Variants in CNTNAP3B observed in about 807,000 individuals in gnomAD.
CNTNAP3B encodes contactin associated protein family member 3B.
A neutral mutation model predicts 108.9 loss-of-function variants in CNTNAP3B; 25 were observed. That is an observed-to-expected ratio of 0.23 (90% CI 0.17 to 0.32). CNTNAP3B has a LOEUF of 0.32. CNTNAP3B is among the 10% of genes least tolerant of loss of function. The probability of loss-of-function intolerance (pLI) is 1.00; values close to 1 mark genes in which losing one functional copy is unlikely to be tolerated. For missense variants in CNTNAP3B, 252 were observed against 1,210.4 expected (o/e 0.21, Z 11.75); for synonymous variants, 103 against 473.4 (o/e 0.22, Z 10.16).
At chr9:41,960,362 A>T in intron 12 of CNTNAP3B, 1 of 169,598 alleles carries the variant, frequency 5.9e-6, no homozygotes, top group Admixed American at 5.9e-5. Flanking sequence ...GTTATGAAAA[A>T]ATTATATGAC....
At chr9:42,111,879 C>T (rs369420707) in intron 1 of CNTNAP3B, among the ~76,000 whole-genome samples, 5 of 138,508 alleles carry the variant, frequency 3.6e-5, no homozygotes, top group Admixed American at 2.2e-4. Context: ...CTGTCCCCAG[C>T]CACACACACA....
intron 9 of CNTNAP3B, among the ~76,000 whole-genome samples, chr9:41,977,610 T>A (rs1475184672): frequency 7.3e-6 from 1 of 136,908 alleles, no homozygotes; most frequent in Non-Finnish European, 1.5e-5. Flanking sequence ...ATTTTAGGGA[T>A]GAATTTTACC....
In CNTNAP3B at chr9:42,044,576, G is replaced by A. The variant is rs542844256; in HGVS notation, c.391-31051C>T. Among the ~76,000 whole-genome samples, 35 of 122,298 alleles carry A rather than the reference G, an allele frequency of 2.9e-4. 3 individuals carry two copies. The highest frequency in any genetic ancestry group is 1.0e-3 in the African/African-American group (32 of 31,236). The allele number at this position is 122,298 out of a possible 152,430, so 80.2% of individuals were successfully genotyped here. On this transcript the variant is annotated intron_variant, in intron 3 of 23. Coordinates refer to ENST00000377561, the MANE Select transcript of CNTNAP3B (RefSeq NM_001201380.3). ...CTCCCTGGGCTAGGAAACAAGGAGCGCACAGGCTGGGGCCCAGAGAGTTTA... is the reference window on the plus strand; with the variant it reads ...CTCCCTGGGCTAGGAAACAAGGAGCACACAGGCTGGGGCCCAGAGAGTTTA...
At chr9:41,982,063 CAA>C (rs541712479) in intron 9 of CNTNAP3B, among the ~76,000 whole-genome samples, 12 of 42,404 alleles carry the variant, frequency 2.8e-4, no homozygotes, top group South Asian at 9.6e-4. Context: ...TCTAAAGTCT[CAA>C]AAAAAAAAAA....
intron 13 of CNTNAP3B, among the ~76,000 whole-genome samples, chr9:41,943,196 C>A (rs1316355953): frequency 0.12 from 18,352 of 147,498 alleles, 136 homozygotes; most frequent in Middle Eastern, 0.19. Flanking sequence ...TGTAGAGTGT[C>A]TTTGATGGCC....
At position 42,104,713 on chromosome 9, in the gene CNTNAP3B, C is replaced by A. The variant is rs1252476428; in HGVS notation, c.112G>T (p.Ala38Ser). The A allele has an allele frequency of 1.3e-5, 14 of 1,108,616 alleles. 5 individuals are homozygous for A. The Admixed American group carries it at 2.9e-4, about 23-fold the overall frequency. 68.7% of individuals were successfully genotyped at this position (1,108,616 alleles called of 1,614,324 possible). A position where few individuals can be genotyped will look rare whatever the true frequency, so the allele number is the denominator to read the frequency against. The change falls in exon 2 of 24, where the codon GCC (alanine) becomes TCC (serine). Residue 38 changes from alanine to serine, a missense_variant. By Grantham distance (99) the Ala-to-Ser change is moderately conservative. Coordinates refer to ENST00000377561, the MANE Select transcript of CNTNAP3B (RefSeq NM_001201380.3). ...CTGCTGAAGGATGACCTAGGCAAGG[C>A]AGAGGCCAGTGGGGAATCACAGTCA... ...PPDCDSPLASALPRSSFSSSS... is the reference protein window; with the variant it reads ...PPDCDSPLASSLPRSSFSSSS...
At chr9:41,921,387 T>C (rs1823663412) in intron 17 of CNTNAP3B, among the ~76,000 whole-genome samples, 2 of 151,984 alleles carry the variant, frequency 1.3e-5, no homozygotes, top group South Asian at 4.1e-4. Flanking sequence ...AGCTAGGTTT[T>C]AGGAAGTCAT....
chr9:42,080,192 T>G (rs537911604), intron 2 of CNTNAP3B, among the ~76,000 whole-genome samples: 1 of 137,794 alleles, frequency 7.3e-6, no homozygotes, highest in South Asian at 2.4e-4. Context: ...ATCCCTCTTC[T>G]CGGCATCCCT....
At chr9:42,090,586 C>CAT (rs1240253628) in intron 2 of CNTNAP3B, among the ~76,000 whole-genome samples, 29 of 132,858 alleles carry the variant, frequency 2.2e-4, no homozygotes, top group African/African-American at 7.1e-4. Context: ...AGTATACATA[C>CAT]ATATATATAC....
chr9:42,011,930 G>T (rs1310477224), intron 4 of CNTNAP3B, among the ~76,000 whole-genome samples: 1 of 97,006 alleles, frequency 1.0e-5, no homozygotes, highest in Non-Finnish European at 2.2e-5. Context: ...GCATGTTTGG[G>T]TTTTTTTACT....
intron 9 of CNTNAP3B, chr9:41,979,942 ACCT>A: frequency 8.9e-6 from 1 of 112,748 alleles, no homozygotes; most frequent in Non-Finnish European, 1.6e-5. Flanking sequence ...GTTTGAGGAA[ACCT>A]TTTTTTTTTT....
rs1468647525 is a variant in CNTNAP3B at position 41,977,746 on chromosome 9, G to C, written c.1478-7501C>G. Among the ~76,000 whole-genome samples the C allele has an allele frequency of 4.4e-4, 56 of 126,736 alleles. 1 individual carries two copies. Among genetic ancestry groups the C allele is most frequent in the African/African-American group, 1.6e-3 (49 of 31,136 alleles). 83.1% of individuals were successfully genotyped at this position (126,736 alleles called of 152,430 possible). The stretch of plus-strand genomic sequence containing the variant: ...GCCATTCTCCTGCCTCAGCCTCCTG[G>C]GAAGCTGGGACTACAGGCGCCCACC... On this transcript the variant is annotated intron_variant, in intron 9 of 23. Coordinates refer to ENST00000377561, the MANE Select transcript of CNTNAP3B (RefSeq NM_001201380.3).
chr9:42,058,340 A>AG (rs1827117802), intron 3 of CNTNAP3B, among the ~76,000 whole-genome samples: 1 of 152,062 alleles, frequency 6.6e-6, no homozygotes. Flanking sequence ...AACAGTATAC[A>AG]GGGATCCTCT....
intron 2 of CNTNAP3B, among the ~76,000 whole-genome samples, chr9:42,078,774 G>A (rs1401955538): frequency 1.4e-5 from 2 of 147,306 alleles, no homozygotes; most frequent in African/African-American, 5.3e-5. Flanking sequence ...ATATTTATGT[G>A]AGCCCCTGCC....
intron 12 of CNTNAP3B, among the ~76,000 whole-genome samples, chr9:41,954,098 TC>T (rs1287240952): frequency 6.6e-6 from 1 of 152,220 alleles, no homozygotes; most frequent in East Asian, 1.9e-4. Context: ...ACAATGGACC[TC>T]CCACCAGACT....
intron 14 of CNTNAP3B, among the ~76,000 whole-genome samples, chr9:41,936,256 G>A (rs962198565): frequency 1.3e-5 from 2 of 151,724 alleles, no homozygotes; most frequent in Admixed American, 6.6e-5. Context: ...CAGCCTGGGC[G>A]ACAGAGAGAG....
intron 14 of CNTNAP3B, among the ~76,000 whole-genome samples, chr9:41,932,633 C>A (rs1007898522): frequency 3.3e-5 from 5 of 152,180 alleles, no homozygotes; most frequent in African/African-American, 1.2e-4. Context: ...GATTCTCCTG[C>A]CTCAGCCTCC....
intron 11 of CNTNAP3B, among the ~76,000 whole-genome samples, chr9:41,963,484 C>T (rs1408729359): frequency 2.7e-5 from 4 of 150,014 alleles, no homozygotes; most frequent in Admixed American, 6.7e-5. Context: ...GGTGATTCTT[C>T]AGTAAAGACA....
At chr9:41,959,205 G>C (rs1172626999) in intron 12 of CNTNAP3B, among the ~76,000 whole-genome samples, 1 of 150,106 alleles carries the variant, frequency 6.7e-6, no homozygotes, top group Non-Finnish European at 1.5e-5. Flanking sequence ...TTAAGATAGA[G>C]TGCTGACTTC....
Sources: gnomAD v4.1 joint callset for allele counts (sites outside exome capture counted in the v4.1 genomes callset) on GRCh38, gnomAD v4.1.1 for gene constraint, MANE v1.5 for transcripts, NCBI Gene and HGNC (gene_info 2026-07-23, HGNC 2026-07-21) for gene names.